Variants in EZH2 observed in about 807,000 individuals in gnomAD.
EZH2 encodes histone-lysine N-methyltransferase EZH2.
In EZH2, 18 loss-of-function variants were observed where a neutral mutation model predicts 98.4. The ratio of observed to expected loss-of-function variants is 0.18; its 90% CI spans 0.13 to 0.27. EZH2 has a LOEUF of 0.27. Ranked by LOEUF, EZH2 falls within the 10% of genes least tolerant of loss-of-function variation. The pLI is 1.00. For missense variants in EZH2, 470 were observed against 935.1 expected (o/e 0.50, Z 6.49); for synonymous variants, 338 against 312.3 (o/e 1.08, Z -0.87).
chr7:148,833,202 T>C (rs10245290), intron 3 of EZH2, among the ~76,000 whole-genome samples: 62,676 of 151,948 alleles, frequency 0.41, 13,456 homozygotes, highest in Non-Finnish European at 0.48. Flanking sequence ...CTCACGCCTG[T>C]AATCCCAGCA....
intron 1 of EZH2, among the ~76,000 whole-genome samples, chr7:148,870,074 T>A (rs561992628): frequency 6.6e-6 from 1 of 152,172 alleles, no homozygotes; most frequent in Admixed American, 6.5e-5. Flanking sequence ...AGAATCTTCA[T>A]AGCATAACTT....
intron 1 of EZH2, among the ~76,000 whole-genome samples, chr7:148,855,054 G>C (rs924992930): frequency 2.0e-5 from 3 of 152,238 alleles, no homozygotes; most frequent in African/African-American, 7.2e-5. Context: ...GAGGAATCCA[G>C]GAGAAGCAGG....
chr7:148,811,851 T>A (rs1338089398), intron 15 of EZH2, 131 bp from the exon 16 acceptor site: 1 of 699,078 alleles, frequency 1.4e-6, no homozygotes, highest in Admixed American at 2.5e-5. Context: ...AGGCAGTAAT[T>A]GGGCACACAG....
intron 1 of EZH2, among the ~76,000 whole-genome samples, chr7:148,865,192 G>A (rs949807311): frequency 1.3e-5 from 2 of 150,886 alleles, no homozygotes; most frequent in Non-Finnish European, 1.5e-5. Context: ...ATTCAAAGAT[G>A]AGACATGAGA....
intron 5 of EZH2, among the ~76,000 whole-genome samples, chr7:148,829,520 C>T (rs2129476767): frequency 6.6e-6 from 1 of 152,278 alleles, no homozygotes; most frequent in Non-Finnish European, 1.5e-5. Flanking sequence ...TATCAGGTGG[C>T]AAACATGATC....
chr7:148,851,239 T>C (rs1054486393), intron 1 of EZH2, among the ~76,000 whole-genome samples: 3 of 152,094 alleles, frequency 2.0e-5, no homozygotes, highest in African/African-American at 7.2e-5. Flanking sequence ...CAAAAGGAGA[T>C]AAATCGCAGG....
chr7:148,807,841 T>TCCAATTACACAGCTGCCTGCATAA (rs1801919128), intron 19 of EZH2, 135 bp from the exon 20 acceptor site: 2 of 611,552 alleles, frequency 3.3e-6, no homozygotes, highest in East Asian at 5.7e-5. Flanking sequence ...AAAAAACCCA[T>TCCAATTACACAGCTGCCTGCATAA]CCAATTACAC....
rs1468342879 is a variant in EZH2 at position 148,811,615 on chromosome 7, A to G, written c.1947+10T>C. ...CAATGCCACCTGAATACAGGTTATC[A>G]GTGCCTTACCTCTCCACAGTATTCT... On this transcript the variant is annotated intron_variant, in intron 16 of 19. Transcript: ENST00000320356. The G allele has an allele frequency of 1.2e-6, 2 of 1,607,418 alleles. No individual in the cohort carries two copies. Among genetic ancestry groups the G allele is most frequent in the Admixed American group, 3.3e-5 (2 of 59,992 alleles).
chr7:148,822,528 A>C lies in EZH2; in HGVS notation c.908-2841T>G, dbSNP rs139067347. ...GTCTCAAAAAAAAAAAAAAGTTTAAACTTTGCTTATGGGACTTTTACCAAA... is the reference window on the plus strand; with the variant it reads ...GTCTCAAAAAAAAAAAAAAGTTTAACCTTTGCTTATGGGACTTTTACCAAA... On this transcript the variant is annotated intron_variant, in intron 8 of 19. Transcript: ENST00000320356. Among the ~76,000 whole-genome samples the C allele has an allele frequency of 3.9e-3, 590 of 151,602 alleles. 2 individuals are homozygous for C. The highest frequency in any genetic ancestry group is 0.013 in the African/African-American group (553 of 41,348).
At chr7:148,856,688 C>T (rs758637179) in intron 1 of EZH2, among the ~76,000 whole-genome samples, 5 of 151,868 alleles carry the variant, frequency 3.3e-5, no homozygotes, top group Non-Finnish European at 7.4e-5. Flanking sequence ...CGGATAGGTC[C>T]GAGACTGGAA....
At chr7:148,834,364 C>CATATATATAT (rs1563260319) in intron 3 of EZH2, among the ~76,000 whole-genome samples, 1 of 149,136 alleles carries the variant, frequency 6.7e-6, no homozygotes, top group African/African-American at 2.5e-5. Flanking sequence ...CACACACACA[C>CATATATATAT]ACACACACAC....
Position 148,846,528 on chromosome 7 carries a change from C to T in EZH2, c.188G>A (p.Arg63Gln), listed in dbSNP as rs2129484978. 7 of 1,613,748 alleles carry T rather than the reference C, an allele frequency of 4.3e-6. No homozygotes were observed. The highest frequency in any genetic ancestry group is 5.9e-6 in the Non-Finnish European group (7 of 1,179,874). ...TEILNQEWKQ[R>Q]RIQPVHILTS... Reference sequence around the variant, plus strand: ...CAGGATGTGCACAGGCTGTATCCTTCGCTGTTTCCATTCTTGGTTTAAGAT... The same window carrying T: ...CAGGATGTGCACAGGCTGTATCCTTTGCTGTTTCCATTCTTGGTTTAAGAT... Residue 63 changes from arginine (R) to glutamine (Q), a missense_variant, in exon 3 of 20, where the codon CGA becomes CAA. Arg to Gln is a conservative substitution (Grantham distance 43, BLOSUM62 1). Around this residue, in one of 6 missense-constraint regions of EZH2, gnomAD observed 79 missense variants for 122.1 expected, o/e 0.65. Transcript: ENST00000320356.
chr7:148,859,896 G>A (rs1303191112), intron 1 of EZH2, among the ~76,000 whole-genome samples: 3 of 152,118 alleles, frequency 2.0e-5, no homozygotes, highest in Non-Finnish European at 2.9e-5. Context: ...TGCTGGCCCC[G>A]TTCTGGTTAA....
intron 3 of EZH2, among the ~76,000 whole-genome samples, chr7:148,834,382 C>T (rs1227447807): frequency 7.3e-6 from 1 of 137,768 alleles, no homozygotes; most frequent in East Asian, 2.1e-4. Flanking sequence ...CACACACACA[C>T]ATATTAAATG....
intron 1 of EZH2, among the ~76,000 whole-genome samples, chr7:148,864,701 GA>G (rs1331984761): frequency 6.9e-6 from 1 of 144,922 alleles, no homozygotes; most frequent in Non-Finnish European, 1.5e-5. Context: ...AAAAAAAAAG[GA>G]AAAAAAGAAA....
At chr7:148,851,051 T>C (rs975079656) in intron 1 of EZH2, among the ~76,000 whole-genome samples, 2 of 152,128 alleles carry the variant, frequency 1.3e-5, no homozygotes, top group African/African-American at 2.4e-5. Flanking sequence ...GGGGCGGCTA[T>C]AGACTTAAAA....
chr7:148,879,550 G>C (rs1820662112), intron 1 of EZH2, among the ~76,000 whole-genome samples: 1 of 151,980 alleles, frequency 6.6e-6, no homozygotes, highest in South Asian at 2.1e-4. Context: ...AATTAGCCAG[G>C]CCTGGTGGTG....
intron 1 of EZH2, among the ~76,000 whole-genome samples, chr7:148,848,559 T>C (rs556285728): frequency 1.3e-5 from 2 of 152,290 alleles, no homozygotes; most frequent in African/African-American, 2.4e-5. Context: ...AATGGGTAAC[T>C]TTCTACAGAA....
At chr7:148,870,316 TATTA>T (rs1162628972) in intron 1 of EZH2, among the ~76,000 whole-genome samples, 3 of 152,242 alleles carry the variant, frequency 2.0e-5, no homozygotes, top group Non-Finnish European at 2.9e-5. Flanking sequence ...TTGCTTGCAT[TATTA>T]ATTAATTTTA....
Sources: gnomAD v4.1 joint callset for allele counts (sites outside exome capture counted in the v4.1 genomes callset) on GRCh38, gnomAD v4.1.1 for gene constraint, gnomAD v4.1.1 regional missense constraint, MANE v1.5 for transcripts, NCBI Gene and HGNC (gene_info 2026-07-23, HGNC 2026-07-21) for gene names.